Variants in CHST11 observed in about 807,000 individuals in gnomAD.
CHST11 encodes carbohydrate sulfotransferase 11.
Under a neutral mutation model 30.4 loss-of-function variants are expected in CHST11, and 9 were observed. That is an observed-to-expected ratio of 0.30 (90% CI 0.18 to 0.52). CHST11 has a LOEUF of 0.52. CHST11 is among the 20% of genes least tolerant of loss of function. CHST11 has a pLI of 0.97. For missense variants in CHST11, 348 were observed against 460.6 expected, an observed-to-expected ratio of 0.76 and a Z score of 2.24; for synonymous variants, 152 against 187.8, an observed-to-expected ratio of 0.81 and a Z score of 1.56.
intron 1 of CHST11, among the ~76,000 whole-genome samples, chr12:104,560,308 C>A (rs1174735566): frequency 2.6e-5 from 4 of 152,108 alleles, no homozygotes; most frequent in African/African-American, 9.7e-5. Context: ...TTCTGTTCAA[C>A]CCTGTTTGCA....
chr12:104,494,779 A>C (rs774191868), intron 1 of CHST11, among the ~76,000 whole-genome samples: 5 of 152,236 alleles, frequency 3.3e-5, no homozygotes, highest in Non-Finnish European at 7.3e-5. Flanking sequence ...TTTTGTGGGT[A>C]GATTTTTAAA....
Position 104,676,572 on chromosome 12 carries a change from G to A in CHST11, c.204+74581G>A, listed in dbSNP as rs144785362. ...CGGGACTGCAGACATGTGCCACCAC[G>A]CCTGGCTAATTTTTGTATTTTTAGT... On this transcript the variant is annotated intron_variant, in intron 2 of 2. Transcript: ENST00000303694. This position sits in a 1 kb window ranked among gnomAD's most constrained non-coding sequence, Gnocchi z 4.4. Among the ~76,000 whole-genome samples the A allele has an allele frequency of 2.2e-4, 33 of 152,280 alleles. No homozygotes were observed. Among genetic ancestry groups the A allele is most frequent in the African/African-American group, 6.7e-4 (28 of 41,556 alleles).
chr12:104,670,247 A>T (rs2039677565), intron 2 of CHST11, among the ~76,000 whole-genome samples: 1 of 152,178 alleles, frequency 6.6e-6, no homozygotes, highest in Non-Finnish European at 1.5e-5. Flanking sequence ...AGTCCTTAGG[A>T]TGCTAACAGG....
intron 2 of CHST11, among the ~76,000 whole-genome samples, chr12:104,738,167 C>T (rs923038396): frequency 6.6e-6 from 1 of 152,162 alleles, no homozygotes; most frequent in Non-Finnish European, 1.5e-5. Flanking sequence ...TTCCCAGACC[C>T]CGCGGGCTCA....
At chr12:104,519,561 G>T (rs1001537073) in intron 1 of CHST11, among the ~76,000 whole-genome samples, 1 of 152,116 alleles carries the variant, frequency 6.6e-6, no homozygotes, top group African/African-American at 2.4e-5. Context: ...AAAGTGAGAT[G>T]AACGCCTTTC....
At chr12:104,668,436 T>C (rs750594953) in intron 2 of CHST11, among the ~76,000 whole-genome samples, 1 of 152,086 alleles carries the variant, frequency 6.6e-6, no homozygotes, top group East Asian at 1.9e-4. Flanking sequence ...CAGAACACAC[T>C]GCGTTGGGAC....
At chr12:104,703,699 G>T (rs2040008719) in intron 2 of CHST11, among the ~76,000 whole-genome samples, 1 of 152,170 alleles carries the variant, frequency 6.6e-6, no homozygotes, top group South Asian at 2.1e-4. Context: ...GTGAGGCCTG[G>T]CACTGCCCAC....
intron 1 of CHST11, among the ~76,000 whole-genome samples, chr12:104,479,676 G>C (rs1386440857): frequency 1.3e-5 from 2 of 152,216 alleles, no homozygotes; most frequent in Admixed American, 6.5e-5. Flanking sequence ...TGCACTCTTA[G>C]GTAGTAGGTA....
chr12:104,513,989 T>A, intron 1 of CHST11: 3 of 701,350 alleles, frequency 4.3e-6, no homozygotes, highest in Non-Finnish European at 7.8e-6. Context: ...GCTGTGGGCT[T>A]AGCAGGGGCT....
At chr12:104,517,338 G>A (rs2038033459) in intron 1 of CHST11, among the ~76,000 whole-genome samples, 1 of 152,342 alleles carries the variant, frequency 6.6e-6, no homozygotes, top group Non-Finnish European at 1.5e-5. Context: ...TGTCTACACA[G>A]GGGAGCAGCA....
chr12:104,671,939 G>C (rs2039701661), intron 2 of CHST11, among the ~76,000 whole-genome samples: 1 of 152,154 alleles, frequency 6.6e-6, no homozygotes, highest in Non-Finnish European at 1.5e-5. Context: ...TGTGGTTGGG[G>C]GATGGGGCAA....
intron 2 of CHST11, among the ~76,000 whole-genome samples, chr12:104,685,891 G>A (rs835477): frequency 0.53 from 80,239 of 151,840 alleles, 22,391 homozygotes; most frequent in Non-Finnish European, 0.63. Context: ...GACTTCTCTG[G>A]CAGACTCTGG....
intron 1 of CHST11, among the ~76,000 whole-genome samples, chr12:104,478,632 C>G (rs1295559000): frequency 2.6e-5 from 4 of 152,150 alleles, no homozygotes; most frequent in South Asian, 2.1e-4. Flanking sequence ...TCAGGCTGTT[C>G]CTGTTAACAG....
At chr12:104,564,877 A>G (rs2038546472) in intron 1 of CHST11, among the ~76,000 whole-genome samples, 1 of 152,202 alleles carries the variant, frequency 6.6e-6, no homozygotes, top group African/African-American at 2.4e-5. Context: ...GTGGCAGGCA[A>G]GAGAGTGTGT....
chr12:104,472,559 A>G (rs2037521245), intron 1 of CHST11, among the ~76,000 whole-genome samples: 1 of 152,198 alleles, frequency 6.6e-6, no homozygotes, highest in African/African-American at 2.4e-5. Flanking sequence ...TCTACAGATG[A>G]GGCAATGGAG....
intron 2 of CHST11, among the ~76,000 whole-genome samples, chr12:104,635,063 G>A (rs919241831): frequency 1.3e-5 from 2 of 149,322 alleles, no homozygotes; most frequent in African/African-American, 2.4e-5. Context: ...CAGCAGTCCT[G>A]TTCCTGGGTA....
intron 1 of CHST11, among the ~76,000 whole-genome samples, chr12:104,545,611 A>G (rs552289802): frequency 9.8e-5 from 15 of 152,330 alleles, no homozygotes; most frequent in Non-Finnish European, 1.6e-4. Flanking sequence ...TGCCTTGGTC[A>G]GCTCAGGCTG....
intron 2 of CHST11, among the ~76,000 whole-genome samples, chr12:104,639,409 A>G (rs932583852): frequency 6.6e-6 from 1 of 152,232 alleles, no homozygotes; most frequent in Non-Finnish European, 1.5e-5. Context: ...TATCCATACA[A>G]TTGATACCCA....
In CHST11 at chr12:104,630,077, T is replaced by C. The variant is rs78604213; in HGVS notation, c.204+28086T>C. On this transcript the variant is annotated intron_variant, in intron 2 of 2. Transcript: ENST00000303694. ...GCCGCATCCAGGATAATTTTTCCTT[T>C]TGATTAATACGTAACTCACTTACGG... Among the ~76,000 whole-genome samples the C allele has an allele frequency of 7.5e-3, 1,141 of 152,344 alleles. 56 individuals are homozygous for C. In the East Asian group the frequency reaches 0.12, roughly 16 times the overall value.
Sources: allele counts gnomAD v4.1 joint callset (sites outside exome capture counted in the v4.1 genomes callset), GRCh38; gene constraint gnomAD v4.1.1; non-coding constraint Gnocchi (gnomAD v3.1); transcripts MANE v1.5; gene names NCBI Gene and HGNC (gene_info 2026-07-23, HGNC 2026-07-21).